The following KDM4B variants were observed in gnomAD, a reference collection of about 807,000 sequenced individuals.
The protein encoded by KDM4B is lysine demethylase 4B.
KDM4B carries 32 observed loss-of-function variants against 125.2 expected under a neutral mutation model. The ratio of observed to expected loss-of-function variants is 0.26; its 90% CI spans 0.19 to 0.34. The LOEUF (loss-of-function observed/expected upper bound fraction) is 0.34. Ranked by LOEUF, KDM4B falls within the 10% of genes least tolerant of loss-of-function variation. The pLI is 1.00. For missense variants in KDM4B, 1,190 were observed against 1,577.7 expected (o/e 0.75, Z 4.16); for synonymous variants, 721 against 677.9 (o/e 1.06, Z -0.99).
chr19:5,130,986 C>A, intron 11 of KDM4B, 90 bp from the exon 12 acceptor site: 2 of 994,486 alleles, frequency 2.0e-6, no homozygotes, highest in Middle Eastern at 2.2e-4. Flanking sequence ...CCTCGACCAT[C>A]CCAGTCAAAG....
intron 7 of KDM4B, 107 bp downstream of exon 7, chr19:5,071,166 G>A: frequency 2.0e-6 from 2 of 1,004,216 alleles, no homozygotes; most frequent in Non-Finnish European, 3.0e-6. Flanking sequence ...GTCTGGGTTT[G>A]GGTTTTGGGG....
chr19:5,068,565 T>A (rs73544320), intron 6 of KDM4B, among the ~76,000 whole-genome samples: 1 of 152,240 alleles, frequency 6.6e-6, no homozygotes, highest in African/African-American at 2.4e-5. Context: ...ACTGAGGTTT[T>A]TCTTCCGCCT....
chr19:5,020,067 G>A (rs1447320592), intron 2 of KDM4B, among the ~76,000 whole-genome samples: 2 of 150,230 alleles, frequency 1.3e-5, no homozygotes, highest in Non-Finnish European at 3.0e-5. Flanking sequence ...GGGTGTTGGT[G>A]TGCAGGTGTT....
intron 2 of KDM4B, among the ~76,000 whole-genome samples, chr19:5,028,794 TGTG>T (rs932272907): frequency 6.6e-6 from 1 of 152,154 alleles, no homozygotes; most frequent in Non-Finnish European, 1.5e-5. Context: ...GGTGGCTCAT[TGTG>T]GTTCTGATTT....
intron 11 of KDM4B, among the ~76,000 whole-genome samples, chr19:5,128,680 G>A (rs1313870925): frequency 6.6e-6 from 1 of 152,074 alleles, no homozygotes; most frequent in African/African-American, 2.4e-5. Flanking sequence ...TGAAGCTTCC[G>A]GCCCCTCCCC....
rs1184036810 is a variant in KDM4B at position 5,082,520 on chromosome 19, C to G, written c.918+16C>G. The G allele has an allele frequency of 9.5e-6, 15 of 1,578,930 alleles. No homozygotes were observed. Among genetic ancestry groups the G allele is most frequent in the Non-Finnish European group, 1.3e-5 (15 of 1,163,116 alleles). On this transcript the variant is annotated intron_variant, in intron 9 of 22. Coordinates refer to ENST00000159111, the MANE Select transcript of KDM4B (RefSeq NM_015015.3). This position sits in a 1 kb window ranked among gnomAD's most constrained non-coding sequence, Gnocchi z 5.4. ...GGCCACTCAGGTAAAAGCTTGCCTGCTGGGAACGGGTCCCAGCAGGGCGGG... is the reference window on the plus strand; with the variant it reads ...GGCCACTCAGGTAAAAGCTTGCCTGGTGGGAACGGGTCCCAGCAGGGCGGG...
intron 1 of KDM4B, among the ~76,000 whole-genome samples, chr19:5,015,964 T>G (rs753015974): frequency 2.6e-5 from 4 of 152,184 alleles, no homozygotes; most frequent in Admixed American, 1.3e-4. Context: ...TGTCTGCGTC[T>G]TAAGGCCTCC....
chr19:5,052,369 A>AGGGGGGGGGGGGGGGGGGGGGGGG (rs2037256738), intron 6 of KDM4B, among the ~76,000 whole-genome samples: 1 of 1,470 alleles, frequency 6.8e-4, no homozygotes, highest in African/African-American at 2.5e-3. Flanking sequence ...GGGGGTGGGG[A>AGGGGGGGGGGGGGGGGGGGGGGGG]GGGTGGGGGT....
At chr19:5,106,570 C>T (rs34613513) in intron 9 of KDM4B, among the ~76,000 whole-genome samples, 11,099 of 152,290 alleles carry the variant, frequency 0.073, 533 homozygotes, top group South Asian at 0.13. Flanking sequence ...GCAGCCACCC[C>T]TCCCTCTGCT....
rs2038284178 is a variant in KDM4B at position 5,081,228 on chromosome 19, A to T, written c.781-1139A>T. ...TGAGCCTCAGTTTCCACGTCTGTGG[A>T]TTGGGCCCACAGCCCCACCTCCTAG... is the stretch of plus-strand genomic sequence containing the variant. On this transcript the variant is annotated intron_variant, in intron 8 of 22. Coordinates refer to ENST00000159111, the MANE Select transcript of KDM4B (RefSeq NM_015015.3). This position sits in a 1 kb window ranked among gnomAD's most constrained non-coding sequence, Gnocchi z 4.2. Among the ~76,000 whole-genome samples, 1 of 152,164 alleles carries T rather than the reference A, an allele frequency of 6.6e-6. No homozygotes were observed. Among genetic ancestry groups the T allele is most frequent in the African/African-American group, 2.4e-5 (1 of 41,420 alleles).
chr19:4,992,169 T>C (rs1465584511), intron 1 of KDM4B, among the ~76,000 whole-genome samples: 4 of 152,194 alleles, frequency 2.6e-5, no homozygotes, highest in Non-Finnish European at 4.4e-5. Flanking sequence ...TCCAGGAATC[T>C]GTGCAGATAA....
At chr19:5,020,776 C>T (rs941606360) in intron 2 of KDM4B, among the ~76,000 whole-genome samples, 2 of 152,176 alleles carry the variant, frequency 1.3e-5, no homozygotes, top group African/African-American at 4.8e-5. Context: ...TTTTCCTGAC[C>T]TGTAAAAAAG....
chr19:5,115,272 G>T lies in KDM4B; in HGVS notation c.1116-4381G>T, dbSNP rs1263193884. On this transcript the variant is annotated intron_variant, in intron 10 of 22. Transcript: ENST00000159111. This position sits in a 1 kb window ranked among gnomAD's most constrained non-coding sequence, Gnocchi z 4.2. ...CGGGCAAACATGGGCAGCCCCTGGG[G>T]GTGCTGGGGGGATGTGGGGGCAACC... Among the ~76,000 whole-genome samples the T allele has an allele frequency of 6.6e-6, 1 of 152,102 alleles. No individual in the cohort carries two copies. The highest frequency in any genetic ancestry group is 1.5e-5 in the Non-Finnish European group (1 of 67,992).
chr19:5,085,787 G>C (rs74172687), intron 9 of KDM4B, among the ~76,000 whole-genome samples: 1 of 152,190 alleles, frequency 6.6e-6, no homozygotes, highest in Non-Finnish European at 1.5e-5. Context: ...TGGCCGTCGG[G>C]GGGGTCGGTG....
chr19:5,031,459 G>A (rs1568240663), intron 2 of KDM4B, among the ~76,000 whole-genome samples: 1 of 152,248 alleles, frequency 6.6e-6, no homozygotes, highest in African/African-American at 2.4e-5. Flanking sequence ...CCCCATGGGA[G>A]AAGCTGCGAG....
chr19:5,075,128 A>G (rs540367211), intron 7 of KDM4B: 36 of 152,098 alleles, frequency 2.4e-4, no homozygotes, highest in African/African-American at 7.7e-4. Context: ...TCCACATCTG[A>G]CCCCCGTCCT....
chr19:4,998,767 A>G (rs546702448), intron 1 of KDM4B, among the ~76,000 whole-genome samples: 1 of 151,916 alleles, frequency 6.6e-6, no homozygotes, highest in African/African-American at 2.4e-5. Context: ...GGGTTCTCTG[A>G]CTCTGATGTT....
intron 9 of KDM4B, among the ~76,000 whole-genome samples, chr19:5,089,708 A>T (rs1196334209): frequency 6.6e-6 from 1 of 151,946 alleles, no homozygotes; most frequent in South Asian, 2.1e-4. Context: ...ACTAAAAAAA[A>T]AAAAACCCAC....
intron 1 of KDM4B, among the ~76,000 whole-genome samples, chr19:4,996,541 T>TA (rs2035206761): frequency 1.7e-5 from 2 of 117,440 alleles, no homozygotes; most frequent in East Asian, 4.0e-4. Flanking sequence ...ATCTGGCTAA[T>TA]TTTTTTTTTT....
Sources: allele counts gnomAD v4.1 joint callset (sites outside exome capture counted in the v4.1 genomes callset), GRCh38; gene constraint gnomAD v4.1.1; non-coding constraint Gnocchi (gnomAD v3.1); transcripts MANE v1.5; gene names NCBI Gene and HGNC (gene_info 2026-07-23, HGNC 2026-07-21).